METTL16: variants seen among roughly 807,000 people sequenced by gnomAD.
METTL16 encodes methyltransferase 16, RNA N6-adenosine.
A neutral mutation model predicts 57.9 loss-of-function variants in METTL16; 19 were observed. The observed-to-expected ratio is 0.33, with a 90% confidence interval of 0.23 to 0.48. METTL16 has a LOEUF of 0.48. Among genes scored for constraint, METTL16 ranks in the 20% least tolerant of loss-of-function variants. The probability of loss-of-function intolerance (pLI) is 0.99; values close to 1 mark genes in which losing one functional copy is unlikely to be tolerated. For synonymous variants in METTL16, 246 were observed against 255.6 expected (o/e 0.96, Z 0.36); for missense variants, 434 against 691.5 (o/e 0.63, Z 4.18).
chr17:2,467,297 T>A (rs946254429), intron 5 of METTL16, among the ~76,000 whole-genome samples: 1 of 152,206 alleles, frequency 6.6e-6, no homozygotes, highest in African/African-American at 2.4e-5. Flanking sequence ...GGGGACTGCT[T>A]GAGTCCGGAT....
At chr17:2,452,364 T>G (rs997277084) in intron 6 of METTL16, among the ~76,000 whole-genome samples, 1 of 152,138 alleles carries the variant, frequency 6.6e-6, no homozygotes, top group African/African-American at 2.4e-5. Flanking sequence ...ACAGTTGTAT[T>G]TGTTATGGAA....
intron 6 of METTL16, among the ~76,000 whole-genome samples, chr17:2,444,874 C>A (rs936661426): frequency 1.3e-5 from 2 of 152,068 alleles, no homozygotes; most frequent in African/African-American, 4.8e-5. Flanking sequence ...CTCCACCACT[C>A]CCAGCTAATT....
At chr17:2,453,474 A>G (rs1377150592) in intron 6 of METTL16, among the ~76,000 whole-genome samples, 1 of 152,202 alleles carries the variant, frequency 6.6e-6, no homozygotes, top group Admixed American at 6.5e-5. Context: ...TTCAGATGAC[A>G]CATTTCTGGC....
intron 2 of METTL16, among the ~76,000 whole-genome samples, chr17:2,496,292 A>G (rs2067444808): frequency 6.6e-6 from 1 of 151,580 alleles, no homozygotes; most frequent in Non-Finnish European, 1.5e-5. Flanking sequence ...AAAAAGTTCC[A>G]AATTACGTCA....
intron 2 of METTL16, among the ~76,000 whole-genome samples, chr17:2,496,741 G>A (rs1174537722): frequency 6.6e-6 from 1 of 151,426 alleles, no homozygotes; most frequent in Non-Finnish European, 1.5e-5. Flanking sequence ...TTAGGAGGTG[G>A]GACCTAGTGG....
intron 2 of METTL16, among the ~76,000 whole-genome samples, chr17:2,487,682 A>G (rs1319004614): frequency 2.0e-5 from 3 of 152,130 alleles, no homozygotes; most frequent in Non-Finnish European, 4.4e-5. Flanking sequence ...GTAGTGGTAG[A>G]GTTAGAAACC....
At chr17:2,464,064 A>G in intron 6 of METTL16, 144 bp downstream of exon 6, 1 of 713,884 alleles carries the variant, frequency 1.4e-6, no homozygotes, top group Non-Finnish European at 2.2e-6. Context: ...CAGAGGTTGC[A>G]GTGAGCTGAG....
At position 2,511,852 on chromosome 17, in the gene METTL16, A is replaced by ACGCAGATGATACGCTCCCAGCGC. The variant is rs1272580707; in HGVS notation, c.-117_-95dup. 4 of 398,504 alleles carry ACGCAGATGATACGCTCCCAGCGC rather than the reference A, an allele frequency of 1.0e-5. No homozygotes were observed. The highest frequency in any genetic ancestry group is 2.1e-5 in the African/African-American group (1 of 48,600). 24.7% of individuals were successfully genotyped at this position (398,504 alleles called of 1,614,324 possible). On this transcript the variant is annotated 5_prime_UTR_variant, in exon 1 of 10. An upstream open reading frame in the 5' UTR loses its in-frame stop. Coordinates refer to ENST00000263092, the MANE Select transcript of METTL16 (RefSeq NM_024086.4). ...CAGCCGCATAGCGAAGCTCCTAGAA[A>ACGCAGATGATACGCTCCCAGCGC]CGCAGATGATACGCTCCCAGCGCGC...
At chr17:2,477,317 C>A in intron 3 of METTL16, 1 of 205,776 alleles carries the variant, frequency 4.9e-6, no homozygotes, top group Non-Finnish European at 1.0e-5. Context: ...GAGAAAAGGC[C>A]AGGTGTAGTA....
At chr17:2,507,728 G>A (rs963990484) in intron 1 of METTL16, among the ~76,000 whole-genome samples, 46 of 152,244 alleles carry the variant, frequency 3.0e-4, no homozygotes, top group Non-Finnish European at 4.6e-4. Context: ...GATGGTTGCC[G>A]TGGCTGTGTA....
chr17:2,504,848 A>G lies in METTL16; in HGVS notation c.1-2517T>C, dbSNP rs555012666. On this transcript the variant is annotated intron_variant, in intron 1 of 9. Coordinates refer to ENST00000263092, the MANE Select transcript of METTL16 (RefSeq NM_024086.4). ...CAGCCTCCCAAAGTGCTACGACTAC[A>G]GACATGAACCATCACACCCAGCTTG... Among the ~76,000 whole-genome samples the G allele has an allele frequency of 6.5e-4, 99 of 152,340 alleles. 1 individual carries two copies. The South Asian group carries it at 8.5e-3, about 13-fold the overall frequency.
At chr17:2,430,259 C>T (rs2066862726) in intron 8 of METTL16, among the ~76,000 whole-genome samples, 1 of 151,900 alleles carries the variant, frequency 6.6e-6, no homozygotes, top group African/African-American at 2.4e-5. Context: ...ACTTCAGGCG[C>T]ATACCACCAC....
intron 1 of METTL16, among the ~76,000 whole-genome samples, chr17:2,510,107 G>C (rs894895786): frequency 6.6e-6 from 1 of 151,938 alleles, no homozygotes; most frequent in Non-Finnish European, 1.5e-5. Context: ...GTTCTTTCTT[G>C]TGATTCTGGC....
In METTL16 at chr17:2,420,970, T is replaced by C; in HGVS notation, c.889-66A>G. 6.5e-7 allele frequency: 1 copy of C among 1,540,100 alleles called. No homozygotes were observed. Among genetic ancestry groups the C allele is most frequent in the Non-Finnish European group, 8.8e-7 (1 of 1,134,604 alleles). On this transcript the variant is annotated intron_variant, in intron 8 of 9. Transcript: ENST00000263092. The surrounding 1 kb of genome is among the most constrained non-coding windows in gnomAD (Gnocchi z 5.4). The stretch of plus-strand genomic sequence containing the variant: ...CCGAATAATTAAACCTCATGCATTG[T>C]AATGAACTCAGAGAAAATTTCCACA...
intron 1 of METTL16, among the ~76,000 whole-genome samples, chr17:2,505,395 ATTTTTTTTTTTTTTTTTTT>A (rs564797281): frequency 1.2e-4 from 6 of 50,554 alleles, no homozygotes; most frequent in Admixed American, 4.4e-4. Flanking sequence ...GCCCAGAGGC[ATTTTTTTTTTTTTTTTTTT>A]TTTTTTTTTT....
rs371295361 is a variant in METTL16 at position 2,500,264 on chromosome 17, ATCT to A, written c.128+1937_128+1939del. ...AAATGCCTCAAGCCCTATGATCCTA[ATCT>A]TCTTTTTTTCTTTTTTCTTTTTTTT... On this transcript the variant is annotated intron_variant, in intron 2 of 9. Coordinates refer to ENST00000263092, the MANE Select transcript of METTL16 (RefSeq NM_024086.4). Among the ~76,000 whole-genome samples the A allele has an allele frequency of 2.3e-3, 349 of 150,470 alleles. 1 individual carries two copies. The highest frequency in any genetic ancestry group is 8.0e-3 in the African/African-American group (324 of 40,432).
chr17:2,487,005 A>AT (rs1382532536), intron 2 of METTL16, among the ~76,000 whole-genome samples: 1 of 141,066 alleles, frequency 7.1e-6, no homozygotes, highest in African/African-American at 2.9e-5. Flanking sequence ...TCCTGTCTCA[A>AT]AAAAAAAAAA....
At chr17:2,505,611 T>TG (rs1313192237) in intron 1 of METTL16, among the ~76,000 whole-genome samples, 1 of 151,794 alleles carries the variant, frequency 6.6e-6, no homozygotes, top group Non-Finnish European at 1.5e-5. Context: ...AGGCCAGACT[T>TG]GAACTCCTGA....
At chr17:2,453,500 G>A in intron 6 of METTL16, among the ~76,000 whole-genome samples, 1 of 152,132 alleles carries the variant, frequency 6.6e-6, no homozygotes, top group East Asian at 1.9e-4. Context: ...GAGCACGGAG[G>A]CGCTGCTTGT....
Sources: gnomAD v4.1 joint callset for allele counts (sites outside exome capture counted in the v4.1 genomes callset) on GRCh38, gnomAD v4.1.1 for gene constraint, Gnocchi (gnomAD v3.1) non-coding constraint, MANE v1.5 for transcripts, NCBI Gene and HGNC (gene_info 2026-07-23, HGNC 2026-07-21) for gene names.